Variants in MSH3 observed in about 807,000 individuals in gnomAD.
MSH3 encodes the protein DNA mismatch repair protein Msh3.
In MSH3, 106 loss-of-function variants were observed where a neutral mutation model predicts 123.3. That is an observed-to-expected ratio of 0.86 (90% CI 0.73 to 1.01). The LOEUF is 1.01. Ranked by LOEUF, MSH3 falls within the 50% of genes least tolerant of loss-of-function variation. The probability of loss-of-function intolerance (pLI) is 0.00; values close to 1 mark genes in which losing one functional copy is unlikely to be tolerated. For synonymous variants in MSH3, 515 were observed against 481.4 expected (o/e 1.07, Z -0.91); for missense variants, 1,459 against 1,347.6 (o/e 1.08, Z -1.29).
At chr5:80,679,322 C>A (rs371071854) in intron 8 of MSH3, among the ~76,000 whole-genome samples, 1 of 151,932 alleles carries the variant, frequency 6.6e-6, no homozygotes, top group Admixed American at 6.6e-5. Flanking sequence ...GCTTGAGCCC[C>A]GGAATCTGAG....
intron 8 of MSH3, among the ~76,000 whole-genome samples, chr5:80,715,818 G>C (rs1339762831): frequency 6.6e-6 from 1 of 152,102 alleles, no homozygotes; most frequent in Non-Finnish European, 1.5e-5. Flanking sequence ...AGAACAGCAA[G>C]GGGGAAGTCC....
chr5:80,712,102 C>G (rs917968647), intron 8 of MSH3, among the ~76,000 whole-genome samples: 32 of 152,162 alleles, frequency 2.1e-4, no homozygotes, highest in African/African-American at 7.7e-4. Context: ...GCTCTTTCCT[C>G]TCCTCCTGTG....
At position 80,725,481 on chromosome 5, in the gene MSH3, A is replaced by G. The variant is rs1743269725; in HGVS notation, c.1369A>G (p.Arg457Gly). ...GCAGGATGACAGAATTCGAGTCGAA[A>G]GGATGGATAACATTTATTTTGAATA... Reference protein sequence around the residue: ...SVQDDRIRVERMDNIYFEYSH... With the variant: ...SVQDDRIRVEGMDNIYFEYSH... Residue 457 changes from arginine to glycine, a missense_variant, in exon 9 of 24, where the codon AGG becomes GGG. By Grantham distance (125) the Arg-to-Gly change is moderately radical. Coordinates refer to ENST00000265081, the MANE Select transcript of MSH3 (RefSeq NM_002439.5). 6.2e-7 allele frequency: 1 copy of G among 1,613,970 alleles called. No individual in the cohort carries two copies. The highest frequency in any genetic ancestry group is 1.3e-5 in the African/African-American group (1 of 75,024).
At chr5:80,807,781 A>G (rs771429456) in intron 19 of MSH3, among the ~76,000 whole-genome samples, 5 of 152,244 alleles carry the variant, frequency 3.3e-5, no homozygotes, top group Non-Finnish European at 5.9e-5. Context: ...ACAGGATGCC[A>G]TCCCATCACA....
At chr5:80,864,507 G>A (rs559599213) in intron 21 of MSH3, among the ~76,000 whole-genome samples, 102 of 152,158 alleles carry the variant, frequency 6.7e-4, no homozygotes, top group African/African-American at 2.3e-3. Flanking sequence ...TAGTTATATA[G>A]GAGGATGTTT....
At chr5:80,858,202 A>G (rs986168595) in intron 21 of MSH3, among the ~76,000 whole-genome samples, 1 of 151,680 alleles carries the variant, frequency 6.6e-6, no homozygotes, top group African/African-American at 2.4e-5. Context: ...ATGCCACAAC[A>G]CCCAGCTAAT....
chr5:80,675,256 A>T lies in MSH3; in HGVS notation c.1173+128A>T, dbSNP rs911363170. On this transcript the variant is annotated intron_variant, in intron 7 of 23. Coordinates refer to ENST00000265081, the MANE Select transcript of MSH3 (RefSeq NM_002439.5). ...CTTCAGATAATTATACAAGAAAAAC[A>T]TTTTTCTCACAATATTATATGTTAA... 13 of 1,087,722 alleles carry T rather than the reference A, an allele frequency of 1.2e-5. No homozygotes were observed. The Admixed American group carries it at 1.4e-4, about 12-fold the overall frequency. 67.4% of individuals were successfully genotyped at this position (1,087,722 alleles called of 1,614,324 possible).
intron 12 of MSH3, chr5:80,746,558 G>A: frequency 2.3e-6 from 1 of 428,680 alleles, no homozygotes; most frequent in South Asian, 1.8e-5. Flanking sequence ...TTCAGGAATT[G>A]TTGGTCCTAA....
At chr5:80,873,364 A>G in intron 23 of MSH3, 77 bp downstream of exon 23, 1 of 1,437,428 alleles carries the variant, frequency 7.0e-7, no homozygotes, top group Non-Finnish European at 9.7e-7. Flanking sequence ...GAGCGTCCTA[A>G]AAATGAACAT....
At chr5:80,735,670 G>A (rs701384) in intron 10 of MSH3, among the ~76,000 whole-genome samples, 3 of 152,024 alleles carry the variant, frequency 2.0e-5, no homozygotes, top group Admixed American at 6.6e-5. Flanking sequence ...AAGCCTGGGC[G>A]ACAGAGCGAG....
At chr5:80,735,912 A>G (rs1743497195) in intron 10 of MSH3, among the ~76,000 whole-genome samples, 4 of 152,132 alleles carry the variant, frequency 2.6e-5, no homozygotes, top group Non-Finnish European at 1.5e-5. Flanking sequence ...CCAGAAAATC[A>G]TGGTCACAGA....
At chr5:80,823,903 T>G (rs7707965) in intron 20 of MSH3, among the ~76,000 whole-genome samples, 8 of 151,758 alleles carry the variant, frequency 5.3e-5, no homozygotes, top group East Asian at 1.9e-4. Context: ...TGACTCTTAA[T>G]GAGCATGCTG....
intron 8 of MSH3, among the ~76,000 whole-genome samples, chr5:80,686,786 T>C (rs1750104204): frequency 6.6e-6 from 1 of 151,122 alleles, no homozygotes; most frequent in Non-Finnish European, 1.5e-5. Context: ...TTTCTTATGC[T>C]ATATACCTAA....
chr5:80,799,452 T>C (rs1162233720), intron 19 of MSH3, among the ~76,000 whole-genome samples: 1 of 150,620 alleles, frequency 6.6e-6, no homozygotes, highest in African/African-American at 2.4e-5. Context: ...CCCATAATTC[T>C]TCTTTAAAGA....
At chr5:80,789,940 C>T (rs939360591) in intron 18 of MSH3, among the ~76,000 whole-genome samples, 6 of 151,974 alleles carry the variant, frequency 3.9e-5, no homozygotes, top group Non-Finnish European at 5.9e-5. Flanking sequence ...AATGGGATAA[C>T]GCTGTTTACC....
chr5:80,843,204 A>G (rs549513758), intron 20 of MSH3, among the ~76,000 whole-genome samples: 54 of 152,032 alleles, frequency 3.6e-4, no homozygotes, highest in Non-Finnish European at 5.9e-4. Context: ...TTCGGATTAC[A>G]CTTACTGATT....
In MSH3 at chr5:80,863,445, T is replaced by C. The variant is rs1465453180; in HGVS notation, c.3001-1368T>C. ...CAGCACTCTGGGAGGCCAAGGTGGG[T>C]GGATCACGAGGTCAGGAGATTGTGA... On this transcript the variant is annotated intron_variant, in intron 21 of 23. Coordinates refer to ENST00000265081, the MANE Select transcript of MSH3 (RefSeq NM_002439.5). Among the ~76,000 whole-genome samples, 3 of 152,076 alleles carry C rather than the reference T, an allele frequency of 2.0e-5. No individual in the cohort carries two copies. The East Asian group carries it at 5.8e-4, about 30-fold the overall frequency.
At chr5:80,776,449 A>G (rs1441905690) in intron 16 of MSH3, among the ~76,000 whole-genome samples, 3 of 152,000 alleles carry the variant, frequency 2.0e-5, no homozygotes, top group Non-Finnish European at 4.4e-5. Flanking sequence ...TTCATTTTCT[A>G]CCTCACTGAG....
At chr5:80,661,428 C>A (rs1390482283) in intron 2 of MSH3, among the ~76,000 whole-genome samples, 1 of 152,122 alleles carries the variant, frequency 6.6e-6, no homozygotes, top group Non-Finnish European at 1.5e-5. Flanking sequence ...TATGTCTAAT[C>A]TGCTGTAAAT....
Sources: gnomAD v4.1 joint callset for allele counts (sites outside exome capture counted in the v4.1 genomes callset) on GRCh38, gnomAD v4.1.1 for gene constraint, MANE v1.5 for transcripts, NCBI Gene and HGNC (gene_info 2026-07-23, HGNC 2026-07-21) for gene names.